The following CADM2 variants were observed in gnomAD, a reference collection of about 807,000 sequenced individuals.
The protein encoded by CADM2 is cell adhesion molecule 2.
Under a neutral mutation model 49.8 loss-of-function variants are expected in CADM2, and 12 were observed. The observed-to-expected ratio is 0.24, with a 90% CI of 0.15 to 0.39. The LOEUF is 0.39. CADM2 is among the 10% of genes least tolerant of loss of function. CADM2 has a pLI of 1.00. For synonymous variants in CADM2, 214 were observed against 175.4 expected (o/e 1.22, Z -1.74); for missense variants, 378 against 492.3 (o/e 0.77, Z 2.20).
At chr3:85,265,939 A>G (rs1169733122) in intron 1 of CADM2, among the ~76,000 whole-genome samples, 1 of 151,920 alleles carries the variant, frequency 6.6e-6, no homozygotes, top group Non-Finnish European at 1.5e-5. Context: ...AGACTTTATT[A>G]TTCATTCACA....
chr3:85,413,749 T>C (rs978031321), intron 1 of CADM2, among the ~76,000 whole-genome samples: 5 of 152,108 alleles, frequency 3.3e-5, no homozygotes, highest in Non-Finnish European at 5.9e-5. Context: ...ACCTCCAATA[T>C]TGGGGATTAC....
At chr3:85,793,843 A>G (rs2071474078) in intron 2 of CADM2, among the ~76,000 whole-genome samples, 1 of 152,220 alleles carries the variant, frequency 6.6e-6, no homozygotes, top group East Asian at 1.9e-4. Context: ...TGGCCACTGA[A>G]AAGTCTCTAT....
At chr3:85,206,556 C>T (rs558745614) in intron 1 of CADM2, among the ~76,000 whole-genome samples, 1 of 152,034 alleles carries the variant, frequency 6.6e-6, no homozygotes, top group African/African-American at 2.4e-5. Flanking sequence ...ATCCGCCCAC[C>T]TCGGCCTCCC....
chr3:86,020,481 A>G (rs1240978249), intron 8 of CADM2, among the ~76,000 whole-genome samples: 1 of 151,886 alleles, frequency 6.6e-6, no homozygotes, highest in Non-Finnish European at 1.5e-5. Context: ...TCCCTAACTC[A>G]TTTTATGAGG....
intron 7 of CADM2, among the ~76,000 whole-genome samples, chr3:85,959,905 C>T (rs1340822644): frequency 6.6e-6 from 1 of 151,814 alleles, no homozygotes; most frequent in African/African-American, 2.4e-5. Flanking sequence ...ACACATTTCT[C>T]AGGCTATATC....
intron 1 of CADM2, among the ~76,000 whole-genome samples, chr3:85,527,273 C>A (rs1452944884): frequency 6.6e-6 from 1 of 151,508 alleles, no homozygotes; most frequent in African/African-American, 2.4e-5. Context: ...ATACTTCCAT[C>A]TACTCAGGAT....
chr3:84,973,668 G>A (rs1014928648), intron 1 of CADM2, among the ~76,000 whole-genome samples: 9 of 152,096 alleles, frequency 5.9e-5, no homozygotes, highest in Non-Finnish European at 1.0e-4. Context: ...TTTAGACCTA[G>A]AGTTCTGCTT....
At chr3:85,937,421 C>T (rs1305167613) in intron 7 of CADM2, among the ~76,000 whole-genome samples, 1 of 151,814 alleles carries the variant, frequency 6.6e-6, no homozygotes, top group Non-Finnish European at 1.5e-5. Context: ...AAGAAAGGCT[C>T]CCTATTTTAC....
intron 3 of CADM2, among the ~76,000 whole-genome samples, chr3:85,858,686 C>G (rs748590975): frequency 1.3e-5 from 2 of 152,188 alleles, no homozygotes; most frequent in African/African-American, 2.4e-5. Flanking sequence ...ACACTTTACT[C>G]ACTGCTATAT....
chr3:85,667,843 A>G lies in CADM2; in HGVS notation c.62-58679A>G, dbSNP rs140220842. The stretch of plus-strand genomic sequence containing the variant: ...TTTCCGCATCCATACGATGGAACTC[A>G]TAATATTATCTTTCTCATAGGATAG... On this transcript the variant is annotated intron_variant, in intron 1 of 9. Transcript: ENST00000383699. Among the ~76,000 whole-genome samples, 696 of 152,196 alleles carry G rather than the reference A, an allele frequency of 4.6e-3. 5 individuals carry two copies. The highest frequency in any genetic ancestry group is 0.015 in the African/African-American group (626 of 41,554).
intron 1 of CADM2, among the ~76,000 whole-genome samples, chr3:85,495,247 T>C (rs2039840039): frequency 6.6e-6 from 1 of 152,166 alleles, no homozygotes; most frequent in South Asian, 2.1e-4. Flanking sequence ...TTAATTTTCT[T>C]CTCTTCCATG....
intron 5 of CADM2, among the ~76,000 whole-genome samples, chr3:85,902,425 C>T (rs1259476489): frequency 1.3e-5 from 2 of 151,554 alleles, no homozygotes; most frequent in African/African-American, 4.8e-5. Flanking sequence ...AAGTGTGTCT[C>T]CTGTAGAAAG....
At chr3:85,332,683 C>T (rs539560508) in intron 1 of CADM2, among the ~76,000 whole-genome samples, 10 of 152,076 alleles carry the variant, frequency 6.6e-5, no homozygotes, top group African/African-American at 2.4e-4. Context: ...AATATGTCCT[C>T]TGGAGTCCTT....
chr3:85,561,020 G>C lies in CADM2; in HGVS notation c.62-165502G>C, dbSNP rs543285674. Among the ~76,000 whole-genome samples, 6 of 152,176 alleles carry C rather than the reference G, an allele frequency of 3.9e-5. No individual in the cohort carries two copies. In the East Asian group the frequency reaches 1.2e-3, roughly 29 times the overall value. ...ATTTATATTAATGGTTTTGCTTACTGTTTCATGCTTATTGTCTAGGATAGT... is the reference window on the plus strand; with the variant it reads ...ATTTATATTAATGGTTTTGCTTACTCTTTCATGCTTATTGTCTAGGATAGT... On this transcript the variant is annotated intron_variant, in intron 1 of 9. Transcript: ENST00000383699.
intron 1 of CADM2, among the ~76,000 whole-genome samples, chr3:85,308,590 AC>A (rs1276713104): frequency 2.0e-5 from 3 of 152,150 alleles, no homozygotes; most frequent in Admixed American, 2.0e-4. Context: ...CAATATGGAT[AC>A]CAGGATTTTA....
At chr3:85,769,410 CGT>C (rs2069899128) in intron 2 of CADM2, among the ~76,000 whole-genome samples, 2 of 97,640 alleles carry the variant, frequency 2.0e-5, no homozygotes, top group African/African-American at 4.5e-5. Flanking sequence ...TATATATACA[CGT>C]ATATACATAT....
chr3:85,668,843 AC>A (rs892534982), intron 1 of CADM2, among the ~76,000 whole-genome samples: 1 of 152,056 alleles, frequency 6.6e-6, no homozygotes, highest in Non-Finnish European at 1.5e-5. Flanking sequence ...TAGTTTATAA[AC>A]TTTTGATTAT....
intron 1 of CADM2, among the ~76,000 whole-genome samples, chr3:85,515,761 G>A (rs1341015278): frequency 6.6e-6 from 1 of 151,556 alleles, no homozygotes; most frequent in Non-Finnish European, 1.5e-5. Flanking sequence ...ACAGACATGA[G>A]CCACTGTGCT....
intron 1 of CADM2, among the ~76,000 whole-genome samples, chr3:85,247,381 T>G (rs72917131): frequency 0.18 from 26,772 of 152,054 alleles, 4,446 homozygotes; most frequent in African/African-American, 0.44. Flanking sequence ...TATTTTCCGA[T>G]AAAGCAGCAT....
Sources: allele counts gnomAD v4.1 joint callset (sites outside exome capture counted in the v4.1 genomes callset), GRCh38; gene constraint gnomAD v4.1.1; transcripts MANE v1.5; gene names NCBI Gene and HGNC (gene_info 2026-07-23, HGNC 2026-07-21).